Variants in MACF1 observed in about 807,000 individuals in gnomAD.
The protein encoded by MACF1 is microtubule-actin cross-linking factor 1.
In MACF1, 193 loss-of-function variants were observed where a neutral mutation model predicts 854.8. That is an observed-to-expected ratio of 0.23 (90% CI 0.20 to 0.25). The LOEUF (loss-of-function observed/expected upper bound fraction) is 0.25, where lower values mean the gene tolerates loss of function less well. Among genes scored for constraint, MACF1 ranks in the 10% least tolerant of loss-of-function variants. The pLI is 1.00. For synonymous variants in MACF1, 3,185 were observed against 3,226.7 expected (o/e 0.99, Z 0.44); for missense variants, 7,722 against 8,929.1 (o/e 0.86, Z 5.45).
At position 39,429,943 on chromosome 1, in the gene MACF1, A is replaced by G; in HGVS notation, c.17005A>G (p.Thr5669Ala). 6.2e-7 allele frequency: 1 copy of G among 1,614,114 alleles called. No homozygotes were observed. Among genetic ancestry groups the G allele is most frequent in the African/African-American group, 1.3e-5 (1 of 75,056 alleles). ...TTTAGAGCAAGCCCGGCAGCTGGCC[A>G]CCAAGTTCCAGTCTACTTATGAGGA... is the stretch of plus-strand genomic sequence containing the variant. ...RTLEQARQLATKFQSTYEELT... is the reference protein window; with the variant it reads ...RTLEQARQLAAKFQSTYEELT... Residue 5669 changes from threonine (T) to alanine (A), a missense_variant, in exon 65 of 101, where the codon ACC becomes GCC. Coordinates refer to ENST00000564288, the MANE Select transcript of MACF1 (RefSeq NM_001394062.1).
At position 39,332,498 on chromosome 1, in the gene MACF1, C is replaced by G. The variant is rs1646744947; in HGVS notation, c.5910C>G (p.His1970Gln). 6.2e-7 allele frequency: 1 copy of G among 1,613,948 alleles called. No individual in the cohort carries two copies. The highest frequency in any genetic ancestry group is 1.7e-5 in the Admixed American group (1 of 60,002). The change falls in exon 37 of 101, where the codon CAC becomes CAG. Residue 1970 changes from histidine (H) to glutamine (Q), a missense_variant. Transcript: ENST00000564288. The part of the protein sequence containing the change: ...SENLLFQLMT[H>Q]SYINVQNGQR... ...ATCTGTTGTTCCAGCTGATGACTCA[C>G]AGCTATATTAATGTGCAAAATGGAC...
chr1:39,264,829 G>A (rs1409462672), intron 6 of MACF1, among the ~76,000 whole-genome samples: 5 of 151,438 alleles, frequency 3.3e-5, no homozygotes, highest in African/African-American at 4.9e-5. Flanking sequence ...GCCCGCCACC[G>A]CGCCCGGCTA....
In MACF1 at chr1:39,434,471, C is replaced by T. The variant is rs769776970; in HGVS notation, c.17623C>T (p.Arg5875Cys). The T allele has an allele frequency of 9.3e-6, 15 of 1,611,848 alleles. No individual in the cohort carries two copies. Among genetic ancestry groups the T allele is most frequent in the Non-Finnish European group, 1.2e-5 (14 of 1,179,730 alleles). The change falls in exon 69 of 101, where the codon CGT becomes TGT. Residue 5875 changes from arginine to cysteine, a missense_variant. Physicochemically the swap from Arg to Cys is radical, Grantham distance 180. Around this residue, in one of 15 missense-constraint regions of MACF1, gnomAD observed 2,807 missense variants for 3,235.8 expected, o/e 0.87. Transcript: ENST00000564288. ...AGCCATTAGCCTACTCAATTCAGAGCGTTATGCCCGCCTAGAGCGGGCCCA... is the reference window on the plus strand; with the variant it reads ...AGCCATTAGCCTACTCAATTCAGAGTGTTATGCCCGCCTAGAGCGGGCCCA... ...YEAISLLNSE[R>C]YARLERAQVL...
intron 6 of MACF1, among the ~76,000 whole-genome samples, chr1:39,266,501 T>C (rs1645232974): frequency 6.6e-6 from 1 of 151,394 alleles, no homozygotes; most frequent in South Asian, 2.1e-4. Flanking sequence ...ACTGCAGTTG[T>C]GAGGCAGATG....
chr1:39,339,259 A>G (rs1646884968), intron 38 of MACF1, among the ~76,000 whole-genome samples: 1 of 152,246 alleles, frequency 6.6e-6, no homozygotes, highest in African/African-American at 2.4e-5. Context: ...TGTCTTAAAA[A>G]AAAGAAAGAA....
chr1:39,412,133 A>C, intron 58 of MACF1: 1 of 1,613,972 alleles, frequency 6.2e-7, no homozygotes, highest in East Asian at 2.2e-5. Flanking sequence ...ATTGCTTCTG[A>C]GCTGGCCAAA....
In MACF1 at chr1:39,358,549, G is replaced by A; in HGVS notation, c.11944-148G>A. ...TGGGGACCCACACTTAGAGATCATT[G>A]CTACCCATCTATCCATGGGTTCTGG... On this transcript the variant is annotated intron_variant, in intron 45 of 100. Transcript: ENST00000564288. The A allele has an allele frequency of 1.0e-5, 7 of 677,084 alleles. No individual in the cohort carries two copies. In the South Asian group the frequency reaches 1.3e-4, roughly 13 times the overall value. 41.9% of individuals were successfully genotyped at this position (677,084 alleles called of 1,614,324 possible). A position where few individuals can be genotyped will look rare whatever the true frequency, so the allele number is the denominator to read the frequency against.
In MACF1 at chr1:39,297,684, A is replaced by G; in HGVS notation, c.2420A>G (p.Lys807Arg). ...AACCTCCAAGATTCCATTAAACGAA[A>G]ATATTCCTGTGACCACAACACCAGC... Reference protein sequence around the residue: ...LRNLQDSIKRKYSCDHNTSLS... With the variant: ...LRNLQDSIKRRYSCDHNTSLS... The change falls in exon 21 of 101, where the codon AAA becomes AGA. Residue 807 changes from lysine (K) to arginine (R), a missense_variant. Lys to Arg is a conservative substitution (Grantham distance 26). Around this residue, in one of 15 missense-constraint regions of MACF1, gnomAD observed 1,137 missense variants for 1,263.0 expected, o/e 0.90. Transcript: ENST00000564288. 6.2e-7 allele frequency: 1 copy of G among 1,614,176 alleles called. No individual in the cohort carries two copies. Among genetic ancestry groups the G allele is most frequent in the Non-Finnish European group, 8.5e-7 (1 of 1,180,036 alleles).
chr1:39,333,226 T>G lies in MACF1; in HGVS notation c.6638T>G (p.Leu2213Arg). ...AAAACTCTAGGTATAAAGTTAGAAC[T>G]AAAGTCTGAAACTGATGGGAATGTT... ...VKKTLGIKLELKSETDGNVHP... is the reference protein window; with the variant it reads ...VKKTLGIKLERKSETDGNVHP... The change falls in exon 37 of 101, where the codon CTA becomes CGA. Residue 2213 changes from leucine to arginine, a missense_variant. Physicochemically the swap from Leu to Arg is moderately radical, Grantham distance 102 (BLOSUM62 -2). Coordinates refer to ENST00000564288, the MANE Select transcript of MACF1 (RefSeq NM_001394062.1). The G allele has an allele frequency of 6.2e-7, 1 of 1,612,724 alleles. No individual in the cohort carries two copies. The highest frequency in any genetic ancestry group is 8.5e-7 in the Non-Finnish European group (1 of 1,179,710).
rs147670757 is a variant in MACF1, at chr1:39,239,195, C to T, written c.171+7952C>T. The stretch of plus-strand genomic sequence containing the variant: ...ATTTGGGAGGCTGAGGCAGGAGAAT[C>T]GCTTGAACACGGGAGATGGAGGTTG... On this transcript the variant is annotated intron_variant, in intron 2 of 100. Coordinates refer to ENST00000564288, the MANE Select transcript of MACF1 (RefSeq NM_001394062.1). Among the ~76,000 whole-genome samples, 13 of 152,260 alleles carry T rather than the reference C, an allele frequency of 8.5e-5. No individual in the cohort carries two copies. In the East Asian group the frequency reaches 1.7e-3, roughly 20 times the overall value.
At chr1:39,341,137 G>A (rs1007009891) in intron 40 of MACF1, among the ~76,000 whole-genome samples, 184 bp downstream of exon 40, 1 of 151,038 alleles carries the variant, frequency 6.6e-6, no homozygotes, top group African/African-American at 2.4e-5. Context: ...GGGTTCAAGC[G>A]ATTCTCCTGC....
At chr1:39,252,104 G>T (rs1450071602) in intron 4 of MACF1, among the ~76,000 whole-genome samples, 163 bp downstream of exon 4, 1 of 152,198 alleles carries the variant, frequency 6.6e-6, no homozygotes, top group African/African-American at 2.4e-5. Context: ...AAAACTAATT[G>T]TGCCTTTTGT....
At chr1:39,203,962 G>A (rs1644421737), upstream of MACF1, among the ~76,000 whole-genome samples, 1 of 152,062 alleles carries the variant, frequency 6.6e-6, no homozygotes, top group South Asian at 2.1e-4. Context: ...TAGATACCTA[G>A]GAGTGAGATT....
rs572597058 is a variant in MACF1, at chr1:39,421,208, C to T, written c.15817-1166C>T. Among the ~76,000 whole-genome samples the T allele has an allele frequency of 1.5e-4, 23 of 152,176 alleles. No homozygotes were observed. In the East Asian group the frequency reaches 3.5e-3, roughly 23 times the overall value. On this transcript the variant is annotated intron_variant, in intron 58 of 100. Transcript: ENST00000564288. ...GGCAGAAGTACCATTCTCTTCTGACCCTTTTTTCCTTTTAGACATGTCTAA... is the reference window on the plus strand; with the variant it reads ...GGCAGAAGTACCATTCTCTTCTGACTCTTTTTTCCTTTTAGACATGTCTAA...
intron 1 of MACF1, among the ~76,000 whole-genome samples, chr1:39,208,233 T>G (rs552408825): frequency 2.6e-5 from 4 of 151,758 alleles, no homozygotes; most frequent in Non-Finnish European, 4.4e-5. Context: ...CTTGGCCTTA[T>G]AAGCATCCAG....
At chr1:39,207,074 G>C (rs1644458507) in intron 1 of MACF1, 1 of 151,360 alleles carries the variant, frequency 6.6e-6, no homozygotes, top group Non-Finnish European at 1.5e-5. Context: ...TAATGATTCA[G>C]GCAGAGCTCA....
chr1:39,181,519 T>TTCC (rs1334704440), intron 2 of MACF1, among the ~76,000 whole-genome samples: 2 of 152,148 alleles, frequency 1.3e-5, no homozygotes, highest in Non-Finnish European at 2.9e-5. Context: ...CGTCTTCCTC[T>TTCC]TCCTCCTCCT....
intron 2 of MACF1, among the ~76,000 whole-genome samples, chr1:39,171,279 CAT>C (rs1339292767): frequency 6.6e-6 from 1 of 151,206 alleles, no homozygotes; most frequent in Non-Finnish European, 1.5e-5. Context: ...GTAAAATACA[CAT>C]GACAAAAAAT....
chr1:39,110,230 CTTTTTT>C (rs5773651), intron 2 of MACF1, among the ~76,000 whole-genome samples: 1 of 84,566 alleles, frequency 1.2e-5, no homozygotes, highest in Non-Finnish European at 2.1e-5. Context: ...GGATGTTGTT[CTTTTTT>C]TTTTTTTTTT....
Sources: allele counts gnomAD v4.1 joint callset (sites outside exome capture counted in the v4.1 genomes callset), GRCh38; gene constraint gnomAD v4.1.1; regional missense constraint gnomAD v4.1.1; transcripts MANE v1.5; gene names NCBI Gene and HGNC (gene_info 2026-07-23, HGNC 2026-07-21).